Variants in NLN observed in about 807,000 individuals in gnomAD.
NLN encodes neurolysin, mitochondrial.
NLN carries 64 observed loss-of-function variants against 79.9 expected under a neutral mutation model. The ratio of observed to expected loss-of-function variants is 0.80; its 90% CI spans 0.65 to 0.99. The LOEUF is 0.99. Ranked by LOEUF, NLN falls within the 50% of genes least tolerant of loss-of-function variation. The probability of loss-of-function intolerance (pLI) is 0.00; values close to 1 mark genes in which losing one functional copy is unlikely to be tolerated. For missense variants in NLN, 835 were observed against 858.7 expected (o/e 0.97, Z 0.34); for synonymous variants, 267 against 296.6 (o/e 0.90, Z 1.02).
chr5:65,812,155 C>T, intron 11 of NLN, 100 bp from the exon 12 acceptor site: 4 of 922,796 alleles, frequency 4.3e-6, no homozygotes, highest in South Asian at 2.7e-5. Flanking sequence ...TTCATTCTCT[C>T]CTCCCACAGC....
At position 65,792,580 on chromosome 5, in the gene NLN, C is replaced by T; in HGVS notation, c.1452C>T (p.Pro484=). 6.2e-7 allele frequency: 1 copy of T among 1,614,068 alleles called. No individual in the cohort carries two copies. The highest frequency in any genetic ancestry group is 8.5e-7 in the Non-Finnish European group (1 of 1,179,920). Residue 484 remains proline, a synonymous_variant, in exon 9 of 13, where the codon CCC becomes CCT. Transcript: ENST00000380985. ...TCTCACAGCCAGTGGCAGGTCGTCC[C>T]TCTCTCCTGAGACACGACGAGGTGA... ...VNFSQPVAGR[P]SLLRHDEVRT...
intron 1 of NLN, among the ~76,000 whole-genome samples, chr5:65,744,535 AACAAG>A (rs1416217184): frequency 1.3e-5 from 2 of 150,978 alleles, no homozygotes; most frequent in Admixed American, 1.3e-4. Flanking sequence ...AGATGATAGT[AACAAG>A]TCAATAAATC....
At chr5:65,791,567 G>C (rs530568075) in intron 8 of NLN, among the ~76,000 whole-genome samples, 1 of 151,854 alleles carries the variant, frequency 6.6e-6, no homozygotes, top group South Asian at 2.1e-4. Flanking sequence ...CAAAACAAGA[G>C]AACAAAATTA....
intron 12 of NLN, among the ~76,000 whole-genome samples, chr5:65,822,490 A>AT (rs2150780087): frequency 6.6e-6 from 1 of 152,312 alleles, no homozygotes; most frequent in South Asian, 2.1e-4. Context: ...TGTATATTCC[A>AT]TTTGGCTATA....
In NLN at chr5:65,758,719, T is replaced by A. The variant is rs1561189299; in HGVS notation, c.194T>A (p.Ile65Asn). ...ATTAAAACAAGAACTGAGGAGCTCATTGTGCAGACCAAACAGGTGTACGAT... is the reference window on the plus strand; with the variant it reads ...ATTAAAACAAGAACTGAGGAGCTCAATGTGCAGACCAAACAGGTGTACGAT... ...EQIKTRTEEL[I>N]VQTKQVYDAV... Residue 65 changes from isoleucine to asparagine, a missense_variant, in exon 2 of 13, where the codon ATT becomes AAT. By Grantham distance (149) the Ile-to-Asn change is moderately radical. Coordinates refer to ENST00000380985, the MANE Select transcript of NLN (RefSeq NM_020726.5). 1 of 1,613,806 alleles carries A rather than the reference T, an allele frequency of 6.2e-7. No homozygotes were observed. Among genetic ancestry groups the A allele is most frequent in the Non-Finnish European group, 8.5e-7 (1 of 1,179,818 alleles).
chr5:65,760,384 A>G (rs1759312617), intron 2 of NLN, among the ~76,000 whole-genome samples: 2 of 152,222 alleles, frequency 1.3e-5, no homozygotes, highest in Admixed American at 1.3e-4. Flanking sequence ...TCAAAGGGAT[A>G]GAGTTAGTCC....
chr5:65,810,830 T>G (rs1760528538), intron 11 of NLN, among the ~76,000 whole-genome samples: 1 of 151,982 alleles, frequency 6.6e-6, no homozygotes, highest in Non-Finnish European at 1.5e-5. Flanking sequence ...ATACAAAAAT[T>G]AGCCAGGTGT....
intron 9 of NLN, among the ~76,000 whole-genome samples, chr5:65,801,219 T>C (rs555256783): frequency 5.9e-5 from 9 of 152,260 alleles, no homozygotes; most frequent in Non-Finnish European, 1.0e-4. Context: ...ATAGTTATCA[T>C]GGCCCATAAG....
chr5:65,821,663 T>A (rs1760801890), intron 12 of NLN, among the ~76,000 whole-genome samples: 1 of 152,232 alleles, frequency 6.6e-6, no homozygotes, highest in African/African-American at 2.4e-5. Context: ...AAGGTAACTT[T>A]GACTAGTTAT....
intron 12 of NLN, among the ~76,000 whole-genome samples, chr5:65,820,993 A>G (rs754527755): frequency 5.9e-5 from 9 of 151,434 alleles, no homozygotes; most frequent in Non-Finnish European, 1.5e-5. Flanking sequence ...CAGTAAGCCT[A>G]AACTGTGCCA....
intron 9 of NLN, chr5:65,793,709 T>A (rs1048901204): frequency 6.6e-5 from 10 of 151,782 alleles, no homozygotes; most frequent in Admixed American, 5.9e-4. Flanking sequence ...TTGAAATCTC[T>A]GTATGTCTCT....
Position 65,822,997 on chromosome 5 carries a change from T to A in NLN, c.*82T>A. On this transcript the variant is annotated 3_prime_UTR_variant, in exon 13 of 13. Coordinates refer to ENST00000380985, the MANE Select transcript of NLN (RefSeq NM_020726.5). Reference sequence around the variant, plus strand: ...TTACTGGCCTGGAAACTGAAGGGAGTTTTGCAAGTGAAAATTTAGATTTCT... The same window carrying A: ...TTACTGGCCTGGAAACTGAAGGGAGATTTGCAAGTGAAAATTTAGATTTCT... 1 of 1,116,580 alleles carries A rather than the reference T, an allele frequency of 9.0e-7. No individual in the cohort carries two copies. Among genetic ancestry groups the A allele is most frequent in the Non-Finnish European group, 1.3e-6 (1 of 764,632 alleles). 69.2% of individuals were successfully genotyped at this position (1,116,580 alleles called of 1,614,324 possible).
intron 4 of NLN, 90 bp downstream of exon 4, chr5:65,777,624 A>T (rs1292392825): frequency 2.4e-6 from 2 of 831,838 alleles, no homozygotes; most frequent in Non-Finnish European, 3.8e-6. Flanking sequence ...AGAAATCCAA[A>T]ATGCTCCACA....
chr5:65,772,496 C>A (rs771594330), intron 3 of NLN, among the ~76,000 whole-genome samples: 3 of 152,140 alleles, frequency 2.0e-5, no homozygotes, highest in African/African-American at 4.8e-5. Flanking sequence ...TGGCTGTATC[C>A]CCCTAGCCCA....
intron 1 of NLN, among the ~76,000 whole-genome samples, chr5:65,731,966 A>G (rs2591943): frequency 0.24 from 35,895 of 151,480 alleles, 4,383 homozygotes; most frequent in African/African-American, 0.27. Context: ...GCCCAGGCTG[A>G]TCTCAAACTC....
chr5:65,814,308 C>T (rs1233011698), intron 12 of NLN, among the ~76,000 whole-genome samples: 2 of 152,200 alleles, frequency 1.3e-5, no homozygotes, highest in South Asian at 4.2e-4. Flanking sequence ...TCTGTCTGTT[C>T]ACAGCCCTCA....
Position 65,762,956 on chromosome 5 carries a change from G to A in NLN, c.302-4G>A, listed in dbSNP as rs775041503. ...GTGGTGATAGTTTTTTTCTCCATCT[G>A]CAGTGGAAAGGACCATGCTAGACTT... On this transcript the variant is annotated splice_polypyrimidine_tract_variant and splice_region_variant and intron_variant, in intron 2 of 12. Transcript: ENST00000380985. 1.2e-6 allele frequency: 2 copies of A among 1,612,416 alleles called. No individual in the cohort carries two copies. Among genetic ancestry groups the A allele is most frequent in the South Asian group, 2.2e-5 (2 of 90,746 alleles).
At chr5:65,755,079 T>C (rs763504061) in intron 1 of NLN, among the ~76,000 whole-genome samples, 4 of 152,194 alleles carry the variant, frequency 2.6e-5, no homozygotes, top group Non-Finnish European at 4.4e-5. Flanking sequence ...TTTACTGTTT[T>C]ATTGATTTTA....
chr5:65,818,213 T>G (rs1760713081), intron 12 of NLN, among the ~76,000 whole-genome samples: 1 of 152,228 alleles, frequency 6.6e-6, no homozygotes, highest in Admixed American at 6.5e-5. Flanking sequence ...ATCTGCCTGG[T>G]TAGTTGTCTA....
Sources: gnomAD v4.1 joint callset for allele counts (sites outside exome capture counted in the v4.1 genomes callset) on GRCh38, gnomAD v4.1.1 for gene constraint, MANE v1.5 for transcripts, NCBI Gene and HGNC (gene_info 2026-07-23, HGNC 2026-07-21) for gene names.